The following SIL1 variants were observed in gnomAD, a reference collection of about 807,000 sequenced individuals.
SIL1 encodes the protein SIL1 nucleotide exchange factor.
Under a neutral mutation model 49.1 loss-of-function variants are expected in SIL1, and 40 were observed. That is an observed-to-expected ratio of 0.81 (90% CI 0.63 to 1.06). The LOEUF (loss-of-function observed/expected upper bound fraction) is 1.06, where lower values mean the gene tolerates loss of function less well. Ranked by LOEUF, SIL1 falls within the 50% of genes least tolerant of loss-of-function variation. The pLI, the probability that SIL1 is intolerant of heterozygous loss-of-function variation, is 0.00. For synonymous variants in SIL1, 253 were observed against 250.8 expected (o/e 1.01, Z -0.08); for missense variants, 500 against 572.6 (o/e 0.87, Z 1.29).
Position 139,169,455 on chromosome 5 carries a change from T to C in SIL1, c.-11+28814A>G, listed in dbSNP as rs1301591386. 2.7e-5 allele frequency among the ~76,000 whole-genome samples: 4 copies of C among 149,980 alleles called. No homozygotes were observed. The East Asian group carries it at 7.7e-4, about 29-fold the overall frequency. ...GAAAAGTATGGTGTGTGTGTGTGTA[T>C]GTGTGTGTGTATATAGATAGATTTT... On this transcript the variant is annotated intron_variant, in intron 1 of 9. Coordinates refer to ENST00000394817, the MANE Select transcript of SIL1 (RefSeq NM_022464.5).
chr5:139,078,232 C>A (rs1769995749), intron 3 of SIL1, among the ~76,000 whole-genome samples: 1 of 151,996 alleles, frequency 6.6e-6, no homozygotes, highest in Non-Finnish European at 1.5e-5. Flanking sequence ...TCTCTTGGGT[C>A]CAAGAGTTTG....
intron 1 of SIL1, among the ~76,000 whole-genome samples, chr5:139,143,334 C>CATATATATATAT (rs1344343144): frequency 9.9e-6 from 1 of 100,630 alleles, no homozygotes; most frequent in African/African-American, 3.9e-5. Context: ...CACACACACA[C>CATATATATATAT]ACACACACAC....
chr5:139,085,303 C>T (rs1175541359), intron 3 of SIL1, among the ~76,000 whole-genome samples: 4 of 152,130 alleles, frequency 2.6e-5, no homozygotes. Flanking sequence ...CGTGGGGCCT[C>T]ACAGTTCAGG....
chr5:139,065,716 C>T (rs910773805), intron 3 of SIL1, among the ~76,000 whole-genome samples: 3 of 152,210 alleles, frequency 2.0e-5, no homozygotes, highest in African/African-American at 7.2e-5. Context: ...AACTGCACCC[C>T]CATACACCCA....
rs149917624 is a variant in SIL1, at chr5:139,121,965, T to G, written c.106-792A>C. 3.7e-3 allele frequency among the ~76,000 whole-genome samples: 563 copies of G among 152,314 alleles called. 4 individuals are homozygous for G. The highest frequency in any genetic ancestry group is 0.011 in the African/African-American group (476 of 41,570). On this transcript the variant is annotated intron_variant, in intron 2 of 9. Coordinates refer to ENST00000394817, the MANE Select transcript of SIL1 (RefSeq NM_022464.5). Reference sequence around the variant, plus strand: ...GACTCTCATCCTTCCTATCCCATTTTTAAACCCGTTCTTGCAAAAAAAGTA... The same window carrying G: ...GACTCTCATCCTTCCTATCCCATTTGTAAACCCGTTCTTGCAAAAAAAGTA...
At chr5:139,117,152 G>T (rs1486118208) in intron 3 of SIL1, among the ~76,000 whole-genome samples, 2 of 152,182 alleles carry the variant, frequency 1.3e-5, no homozygotes, top group East Asian at 1.9e-4. Flanking sequence ...CACTTTGGTG[G>T]CTGTTTTTGT....
chr5:138,981,213 CA>C (rs35272334), intron 7 of SIL1, among the ~76,000 whole-genome samples: 46,753 of 113,020 alleles, frequency 0.41, 7,978 homozygotes, highest in East Asian at 0.77. Flanking sequence ...ACTCTGTCTC[CA>C]AAAAAAAAAA....
At chr5:138,975,607 C>T (rs935126018) in intron 7 of SIL1, among the ~76,000 whole-genome samples, 40 of 152,170 alleles carry the variant, frequency 2.6e-4, no homozygotes, top group Admixed American at 2.0e-4. Context: ...TGGTGCCTCC[C>T]ACATTAACTA....
At chr5:139,122,034 G>A (rs1462242193) in intron 2 of SIL1, among the ~76,000 whole-genome samples, 1 of 152,112 alleles carries the variant, frequency 6.6e-6, no homozygotes, top group African/African-American at 2.4e-5. Flanking sequence ...CGGAGCTCTG[G>A]GAAATTACAT....
intron 3 of SIL1, among the ~76,000 whole-genome samples, chr5:139,103,907 G>A (rs1770646560): frequency 6.6e-6 from 1 of 152,192 alleles, no homozygotes; most frequent in Admixed American, 6.5e-5. Flanking sequence ...GGCCTGGGAA[G>A]GCTCCAGAAC....
intron 1 of SIL1, among the ~76,000 whole-genome samples, chr5:139,192,493 C>A (rs1180302598): frequency 1.3e-5 from 2 of 152,110 alleles, no homozygotes; most frequent in African/African-American, 2.4e-5. Context: ...AGAAACATAC[C>A]CTTCCCCATT....
At chr5:139,059,416 T>C (rs1271655564) in intron 3 of SIL1, among the ~76,000 whole-genome samples, 7 of 152,264 alleles carry the variant, frequency 4.6e-5, no homozygotes, top group Non-Finnish European at 1.0e-4. Context: ...ATTAAACCTC[T>C]TTCCTTTATA....
At chr5:139,131,287 C>T (rs1335563743) in intron 1 of SIL1, among the ~76,000 whole-genome samples, 3 of 152,152 alleles carry the variant, frequency 2.0e-5, no homozygotes, top group East Asian at 1.9e-4. Context: ...GCGGTGTTTA[C>T]TTTTTCTCTA....
intron 1 of SIL1, among the ~76,000 whole-genome samples, chr5:139,164,680 A>AGTTTC: frequency 6.6e-6 from 1 of 152,208 alleles, no homozygotes; most frequent in Admixed American, 6.5e-5. Flanking sequence ...GTACACACTT[A>AGTTTC]TTCAGATGAA....
intron 3 of SIL1, among the ~76,000 whole-genome samples, chr5:139,095,966 A>G (rs915198296): frequency 6.6e-6 from 1 of 152,238 alleles, no homozygotes; most frequent in African/African-American, 2.4e-5. Context: ...GCACAAGAAA[A>G]GCACCTTCAT....
rs1204368141 is a variant in SIL1, at chr5:139,137,611, T to C, written c.-10-9758A>G. 4.0e-5 allele frequency: 13 copies of C among 324,030 alleles called. No homozygotes were observed. In the East Asian group the frequency reaches 4.5e-4, roughly 11 times the overall value. The allele number at this position is 324,030 out of a possible 1,614,324, so 20.1% of individuals were successfully genotyped here. ...TTGTTACATATGTATGCATGTGCAA[T>C]GTTGGTGTGCTGCACCCATTAACTC... On this transcript the variant is annotated intron_variant, in intron 1 of 9. Transcript: ENST00000394817.
chr5:139,151,335 A>G (rs1751295882), intron 1 of SIL1, among the ~76,000 whole-genome samples: 1 of 152,152 alleles, frequency 6.6e-6, no homozygotes, highest in Non-Finnish European at 1.5e-5. Context: ...GTACTAGTGC[A>G]AGGTGCTGGG....
chr5:139,112,324 AG>A (rs1307849001), intron 3 of SIL1, among the ~76,000 whole-genome samples: 34 of 150,682 alleles, frequency 2.3e-4, no homozygotes, highest in African/African-American at 8.3e-4. Context: ...GGATGTGAGG[AG>A]CCCCTCTGCC....
chr5:139,118,505 A>G (rs890919342), intron 3 of SIL1, among the ~76,000 whole-genome samples: 2 of 152,172 alleles, frequency 1.3e-5, no homozygotes, highest in African/African-American at 4.8e-5. Context: ...AAAACCAAGG[A>G]ACAGAAATAT....
Sources: allele counts gnomAD v4.1 joint callset (sites outside exome capture counted in the v4.1 genomes callset), GRCh38; gene constraint gnomAD v4.1.1; transcripts MANE v1.5; gene names NCBI Gene and HGNC (gene_info 2026-07-23, HGNC 2026-07-21).